Variants in GPR158 observed in about 807,000 individuals in gnomAD.
GPR158 encodes the protein G protein-coupled receptor 158.
A neutral mutation model predicts 78.2 loss-of-function variants in GPR158; 30 were observed. The ratio of observed to expected loss-of-function variants is 0.38; its 90% CI spans 0.29 to 0.52. GPR158 has a LOEUF of 0.52. Ranked by LOEUF, GPR158 falls within the 20% of genes least tolerant of loss-of-function variation. The pLI, the probability that GPR158 is intolerant of heterozygous loss-of-function variation, is 0.83. For synonymous variants in GPR158, 581 were observed against 591.1 expected (o/e 0.98, Z 0.25); for missense variants, 1,463 against 1,523.5 (o/e 0.96, Z 0.66).
intron 2 of GPR158, among the ~76,000 whole-genome samples, chr10:25,362,304 A>G (rs1286988682): frequency 1.3e-5 from 2 of 151,758 alleles, no homozygotes; most frequent in African/African-American, 2.4e-5. Context: ...ATCCTATTCC[A>G]TTGGCTTACA....
intron 2 of GPR158, among the ~76,000 whole-genome samples, chr10:25,347,084 G>C (rs1855381349): frequency 6.6e-6 from 1 of 151,922 alleles, no homozygotes; most frequent in Non-Finnish European, 1.5e-5. Context: ...GCCTGTATTT[G>C]TTCTCTTATG....
chr10:25,458,430 G>A (rs1404766817), intron 4 of GPR158, among the ~76,000 whole-genome samples: 1 of 152,142 alleles, frequency 6.6e-6, no homozygotes, highest in Non-Finnish European at 1.5e-5. Context: ...ATCACTGAGG[G>A]TCAGATTGGA....
chr10:25,364,471 AT>A (rs750869618), intron 2 of GPR158, among the ~76,000 whole-genome samples: 1 of 151,932 alleles, frequency 6.6e-6, no homozygotes, highest in Non-Finnish European at 1.5e-5. Context: ...TATGCCTTCT[AT>A]GTATATCCCT....
At chr10:25,189,834 A>G (rs948670005) in intron 1 of GPR158, among the ~76,000 whole-genome samples, 59 of 120,556 alleles carry the variant, frequency 4.9e-4, no homozygotes, top group African/African-American at 1.1e-3. Flanking sequence ...AAAGGAAAGC[A>G]TGTGTGTGTG....
intron 4 of GPR158, among the ~76,000 whole-genome samples, chr10:25,413,693 A>G (rs1834623676): frequency 6.6e-6 from 1 of 152,214 alleles, no homozygotes; most frequent in Non-Finnish European, 1.5e-5. Flanking sequence ...TGAAGCCTCA[A>G]GGTAAACAGT....
At chr10:25,494,777 T>G (rs1174928646) in intron 5 of GPR158, among the ~76,000 whole-genome samples, 1 of 152,184 alleles carries the variant, frequency 6.6e-6, no homozygotes, top group Non-Finnish European at 1.5e-5. Context: ...ATTGCTGTAT[T>G]AGGGGGTTTA....
intron 2 of GPR158, among the ~76,000 whole-genome samples, chr10:25,308,299 A>C (rs534025): frequency 0.81 from 122,621 of 152,096 alleles, 50,673 homozygotes; most frequent in African/African-American, 0.9. Context: ...TGCTCTCCCG[A>C]CTCAAACCTA....
At chr10:25,568,601 C>T (rs1006820835) in intron 6 of GPR158, among the ~76,000 whole-genome samples, 3 of 152,120 alleles carry the variant, frequency 2.0e-5, no homozygotes, top group African/African-American at 7.2e-5. Flanking sequence ...AACCCAAGTA[C>T]AAGTTCTTAT....
At chr10:25,306,079 G>C (rs575598460) in intron 2 of GPR158, among the ~76,000 whole-genome samples, 1 of 152,180 alleles carries the variant, frequency 6.6e-6, no homozygotes, top group South Asian at 2.1e-4. Flanking sequence ...TTAGTGTACA[G>C]TTGTTGGCTC....
chr10:25,442,730 G>C (rs897892401), intron 4 of GPR158, among the ~76,000 whole-genome samples: 1 of 151,856 alleles, frequency 6.6e-6, no homozygotes, highest in African/African-American at 2.4e-5. Flanking sequence ...TTTCTCCATA[G>C]CTAAGTCCAT....
chr10:25,255,584 C>T (rs1853879533), intron 2 of GPR158, among the ~76,000 whole-genome samples: 1 of 152,072 alleles, frequency 6.6e-6, no homozygotes, highest in African/African-American at 2.4e-5. Flanking sequence ...GATGGAGATC[C>T]CTGTTTTATT....
At chr10:25,338,475 G>A (rs960731726) in intron 2 of GPR158, among the ~76,000 whole-genome samples, 25 of 126,134 alleles carry the variant, frequency 2.0e-4, no homozygotes, top group African/African-American at 7.2e-4. Context: ...TATATTATAC[G>A]TATAATATAC....
chr10:25,541,922 T>A (rs1836591808), intron 5 of GPR158, among the ~76,000 whole-genome samples: 1 of 146,518 alleles, frequency 6.8e-6, no homozygotes, highest in African/African-American at 2.5e-5. Flanking sequence ...TTATAAATTA[T>A]ATTATATATT....
At chr10:25,533,083 C>CA (rs912776844) in intron 5 of GPR158, among the ~76,000 whole-genome samples, 5 of 151,980 alleles carry the variant, frequency 3.3e-5, no homozygotes, top group African/African-American at 1.2e-4. Context: ...TTTTGTCTTG[C>CA]AAAAAATGCT....
chr10:25,333,364 T>C (rs1290566416), intron 2 of GPR158, among the ~76,000 whole-genome samples: 1 of 152,194 alleles, frequency 6.6e-6, no homozygotes, highest in Non-Finnish European at 1.5e-5. Context: ...GTGGTCTTTC[T>C]CTTGGTTCAT....
chr10:25,299,110 C>T (rs765584262), intron 2 of GPR158, among the ~76,000 whole-genome samples: 25 of 152,250 alleles, frequency 1.6e-4, no homozygotes, highest in Middle Eastern at 3.4e-3. Flanking sequence ...AATAAGTTAT[C>T]AGTATACATT....
intron 2 of GPR158, chr10:25,393,660 G>T (rs529474030): frequency 6.6e-6 from 1 of 152,230 alleles, no homozygotes; most frequent in South Asian, 2.1e-4. Flanking sequence ...GTGTACCCTT[G>T]AGTGAAGAAT....
At chr10:25,289,457 G>T (rs141511969) in intron 2 of GPR158, among the ~76,000 whole-genome samples, 1 of 152,040 alleles carries the variant, frequency 6.6e-6, no homozygotes, top group Non-Finnish European at 1.5e-5. Context: ...TTTTGAGGCG[G>T]AGTCTTGCTC....
chr10:25,260,587 G>A (rs1317220533), intron 2 of GPR158, among the ~76,000 whole-genome samples: 1 of 151,912 alleles, frequency 6.6e-6, no homozygotes, highest in Non-Finnish European at 1.5e-5. Flanking sequence ...TGGTGGGACA[G>A]TTACTATTGT....
Sources: gnomAD v4.1 joint callset for allele counts (sites outside exome capture counted in the v4.1 genomes callset) on GRCh38, gnomAD v4.1.1 for gene constraint, MANE v1.5 for transcripts, NCBI Gene and HGNC (gene_info 2026-07-23, HGNC 2026-07-21) for gene names.